The following ZFHX3 variants were observed in gnomAD, a reference collection of about 807,000 sequenced individuals.
ZFHX3 encodes the protein zinc finger homeobox 3, also known as zinc finger homeobox protein 3.
ZFHX3 carries 42 observed loss-of-function variants against 279.1 expected under a neutral mutation model. That is an observed-to-expected ratio of 0.15 (90% confidence interval 0.12 to 0.19). The LOEUF (loss-of-function observed/expected upper bound fraction) is 0.19. Ranked by LOEUF, ZFHX3 falls within the 10% of genes least tolerant of loss-of-function variation. The pLI is 1.00. For missense variants in ZFHX3, 4,981 were observed against 4,754.0 expected (o/e 1.05, Z -1.40); for synonymous variants, 2,293 against 1,957.8 (o/e 1.17, Z -4.52).
At chr16:73,625,791 CAG>C (rs1275576707) in intron 2 of ZFHX3, among the ~76,000 whole-genome samples, 1 of 152,190 alleles carries the variant, frequency 6.6e-6, no homozygotes, top group Non-Finnish European at 1.5e-5. Flanking sequence ...TTGGTGGTCC[CAG>C]AACCACCGAG....
In ZFHX3 at chr16:72,876,591, GA is replaced by G. The variant is rs572905645; in HGVS notation, c.3448+13139del. On this transcript the variant is annotated intron_variant, in intron 4 of 9. Coordinates refer to ENST00000268489, the MANE Select transcript of ZFHX3 (RefSeq NM_006885.4). ...CTCTCCTGTTCTACCCAGGCATGTT[GA>G]AAAAAAAAAAAGTTATGATATACTT... 3.9e-3 allele frequency among the ~76,000 whole-genome samples: 565 copies of G among 144,644 alleles called. 7 individuals carry two copies. Among genetic ancestry groups the G allele is most frequent in the East Asian group, 0.024 (120 of 5,012 alleles). 94.9% of individuals were successfully genotyped at this position (144,644 alleles called of 152,430 possible). A position where few individuals can be genotyped will look rare whatever the true frequency, so the allele number is the denominator to read the frequency against.
intron 3 of ZFHX3, among the ~76,000 whole-genome samples, chr16:73,406,518 A>G (rs1046595866): frequency 6.6e-6 from 1 of 152,244 alleles, no homozygotes; most frequent in Non-Finnish European, 1.5e-5. Context: ...TTTGGCAGAT[A>G]CTGACAGCTT....
intron 5 of ZFHX3, among the ~76,000 whole-genome samples, chr16:73,200,132 T>C (rs1722038699): frequency 6.6e-6 from 1 of 152,132 alleles, no homozygotes. Context: ...GAGTAAAACA[T>C]ACCAGTGTTA....
intron 3 of ZFHX3, among the ~76,000 whole-genome samples, chr16:73,439,030 C>T (rs2018041933): frequency 6.6e-6 from 1 of 152,332 alleles, no homozygotes; most frequent in African/African-American, 2.4e-5. Flanking sequence ...AAGAGCAGCA[C>T]ATCTGTCTCA....
intron 1 of ZFHX3, among the ~76,000 whole-genome samples, chr16:73,695,611 C>G (rs989468412): frequency 2.6e-5 from 4 of 152,186 alleles, no homozygotes; most frequent in Non-Finnish European, 4.4e-5. Flanking sequence ...TACGTTTAGG[C>G]TCCAAACCTA....
intron 1 of ZFHX3, among the ~76,000 whole-genome samples, chr16:72,970,271 C>T (rs1268291736): frequency 6.6e-6 from 1 of 151,726 alleles, no homozygotes; most frequent in Non-Finnish European, 1.5e-5. Flanking sequence ...TGAATCAAAA[C>T]CAAACCCATG....
intron 4 of ZFHX3, among the ~76,000 whole-genome samples, chr16:72,865,198 T>G (rs2037985525): frequency 6.6e-6 from 1 of 152,196 alleles, no homozygotes; most frequent in South Asian, 2.1e-4. Flanking sequence ...CCAACAAGTA[T>G]TTATGGATGA....
chr16:73,638,646 T>G (rs2052548259), intron 2 of ZFHX3, among the ~76,000 whole-genome samples: 1 of 152,216 alleles, frequency 6.6e-6, no homozygotes, highest in South Asian at 2.1e-4. Flanking sequence ...TTATAGCACC[T>G]GTTACATTGT....
chr16:73,696,654 T>G (rs1376124979), intron 1 of ZFHX3, among the ~76,000 whole-genome samples: 2 of 152,228 alleles, frequency 1.3e-5, no homozygotes, highest in Non-Finnish European at 2.9e-5. Flanking sequence ...TGGGTTTGTA[T>G]GTAATGTCAG....
intron 4 of ZFHX3, among the ~76,000 whole-genome samples, chr16:73,263,697 G>C (rs1431935541): frequency 6.6e-6 from 1 of 152,226 alleles, no homozygotes; most frequent in African/African-American, 2.4e-5. Context: ...AGGACCCAGA[G>C]AGCTGCTAGT....
chr16:73,795,422 C>T (rs1028933744), intron 1 of ZFHX3, among the ~76,000 whole-genome samples: 4 of 152,104 alleles, frequency 2.6e-5, no homozygotes, highest in Non-Finnish European at 4.4e-5. Flanking sequence ...AGGTTGCAAA[C>T]GAGAGTCAGT....
chr16:72,978,832 T>A (rs1225769091), intron 1 of ZFHX3, among the ~76,000 whole-genome samples: 2 of 152,206 alleles, frequency 1.3e-5, no homozygotes, highest in Non-Finnish European at 2.9e-5. Flanking sequence ...CAGCCAGTCA[T>A]AGAGATGATC....
At chr16:72,948,235 G>C (rs1344021732) in intron 3 of ZFHX3, among the ~76,000 whole-genome samples, 2 of 152,182 alleles carry the variant, frequency 1.3e-5, no homozygotes, top group African/African-American at 4.8e-5. Context: ...ATTCTGCCCT[G>C]AACCTCAGGC....
At chr16:73,884,165 T>A (rs1445222301) in intron 1 of ZFHX3, among the ~76,000 whole-genome samples, 1 of 152,186 alleles carries the variant, frequency 6.6e-6, no homozygotes, top group Non-Finnish European at 1.5e-5. Flanking sequence ...CATTTTAGAT[T>A]ATTTTTCTCA....
At chr16:72,827,166 T>C (rs1457952811) in intron 5 of ZFHX3, among the ~76,000 whole-genome samples, 1 of 152,184 alleles carries the variant, frequency 6.6e-6, no homozygotes, top group Non-Finnish European at 1.5e-5. Context: ...CATTAAATGC[T>C]TGTATGTTGC....
chr16:73,184,560 T>A (rs8060958), intron 5 of ZFHX3, among the ~76,000 whole-genome samples: 1 of 152,094 alleles, frequency 6.6e-6, no homozygotes, highest in Non-Finnish European at 1.5e-5. Flanking sequence ...CGTGAGCCTG[T>A]GGGGCAGGTG....
chr16:73,394,225 T>C (rs1243166751), intron 3 of ZFHX3, among the ~76,000 whole-genome samples: 1 of 145,284 alleles, frequency 6.9e-6, no homozygotes, highest in Non-Finnish European at 1.5e-5. Flanking sequence ...TCCAGAAGTG[T>C]ATCTTTGTTT....
intron 3 of ZFHX3, among the ~76,000 whole-genome samples, chr16:73,373,623 G>T (rs1228528542): frequency 6.6e-6 from 1 of 152,202 alleles, no homozygotes; most frequent in Non-Finnish European, 1.5e-5. Flanking sequence ...TATAGGTTCT[G>T]CTAAGGACAG....
At chr16:73,464,199 A>G (rs2018522222) in intron 2 of ZFHX3, among the ~76,000 whole-genome samples, 1 of 152,154 alleles carries the variant, frequency 6.6e-6, no homozygotes, top group Admixed American at 6.5e-5. Flanking sequence ...TAAGTGGAAG[A>G]AAGAGAGAAA....
Sources: gnomAD v4.1 joint callset for allele counts (sites outside exome capture counted in the v4.1 genomes callset) on GRCh38, gnomAD v4.1.1 for gene constraint, MANE v1.5 for transcripts, NCBI Gene and HGNC (gene_info 2026-07-23, HGNC 2026-07-21) for gene names.